CELSR1: variants seen among roughly 807,000 people sequenced by gnomAD.
The protein encoded by CELSR1 is adhesion G protein-coupled receptor C1.
CELSR1 carries 110 observed loss-of-function variants against 249.1 expected under a neutral mutation model. That is an observed-to-expected ratio of 0.44 (90% confidence interval 0.38 to 0.52). The LOEUF (loss-of-function observed/expected upper bound fraction) is 0.52. Ranked by LOEUF, CELSR1 falls within the 20% of genes least tolerant of loss-of-function variation. The probability of loss-of-function intolerance (pLI) is 0.00; values close to 1 mark genes in which losing one functional copy is unlikely to be tolerated. For synonymous variants in CELSR1, 2,113 were observed against 1,900.0 expected, an observed-to-expected ratio of 1.11 and a Z score of -2.92; for missense variants, 4,109 against 4,296.4, an observed-to-expected ratio of 0.96 and a Z score of 1.22.
In CELSR1 at chr22:46,496,992, C is replaced by T. The variant is rs114510648; in HGVS notation, c.3545-32647G>A. 8.5e-3 allele frequency among the ~76,000 whole-genome samples: 1,298 copies of T among 152,156 alleles called. 24 individuals are homozygous for T. The highest frequency in any genetic ancestry group is 0.03 in the African/African-American group (1,250 of 41,500). The stretch of plus-strand genomic sequence containing the variant: ...TCAAGTGTTATGAACTATACATAAC[C>T]GTGTGTGCTAGAATTTTACACGACT... On this transcript the variant is annotated intron_variant, in intron 1 of 34. Transcript: ENST00000674500.
In CELSR1 at chr22:46,533,953, A is replaced by C. The variant is rs372538074; in HGVS notation, c.3218T>G (p.Val1073Gly). 5 of 1,613,224 alleles carry C rather than the reference A, an allele frequency of 3.1e-6. No homozygotes were observed. The highest frequency in any genetic ancestry group is 1.3e-5 in the African/African-American group (1 of 74,938). Reference sequence around the variant, plus strand: ...CAGCGGAGCCGACGTGGCCTGCACCACCAGCACATACTCCCGCCGGACCTC... The same window carrying C: ...CAGCGGAGCCGACGTGGCCTGCACCCCCAGCACATACTCCCGCCGGACCTC... ...DFEVRREYVLVVQATSAPLVS... is the reference protein window; with the variant it reads ...DFEVRREYVLGVQATSAPLVS... The change falls in exon 1 of 35, where the codon GTG (valine) becomes GGG (glycine). Residue 1073 changes from valine to glycine, a missense_variant. Physicochemically the swap from Val to Gly is moderately radical, Grantham distance 109. Around this residue, in one of 7 missense-constraint regions of CELSR1, gnomAD observed 886 missense variants for 896.5 expected, o/e 0.99. Coordinates refer to ENST00000674500, the MANE Select transcript of CELSR1 (RefSeq NM_001378328.1).
At chr22:46,367,881 T>C (rs1388467639) in intron 27 of CELSR1, 26 bp from the exon 28 acceptor site, 1 of 1,597,246 alleles carries the variant, frequency 6.3e-7, no homozygotes, top group Admixed American at 1.7e-5. Flanking sequence ...ATCAGGCCTG[T>C]GCCCATCGCC....
rs761118805 is a variant in CELSR1, at chr22:46,380,243, A to G, written c.7256+545T>C. 3.3e-5 allele frequency among the ~76,000 whole-genome samples: 5 copies of G among 152,064 alleles called. No homozygotes were observed. Among genetic ancestry groups the G allele is most frequent in the Admixed American group, 6.5e-5 (1 of 15,270 alleles). On this transcript the variant is annotated intron_variant, in intron 22 of 34. Coordinates refer to ENST00000674500, the MANE Select transcript of CELSR1 (RefSeq NM_001378328.1). The surrounding 1 kb of genome is among the most constrained non-coding windows in gnomAD (Gnocchi z 5.1). Reference sequence around the variant, plus strand: ...GCGCACAGATTCTCCTGCGTTCGCCACTCTGTGACTCTCTGACGCTGCTTC... The same window carrying G: ...GCGCACAGATTCTCCTGCGTTCGCCGCTCTGTGACTCTCTGACGCTGCTTC...
In CELSR1 at chr22:46,409,230, G is replaced by A. The variant is rs369813438; in HGVS notation, c.5060-68C>T. The stretch of plus-strand genomic sequence containing the variant: ...ACACGGCCGCGGACTTGGCTGCAGG[G>A]GCGGGGGATGGGCCTGCAGGCTAGG... On this transcript the variant is annotated intron_variant, in intron 8 of 34. Coordinates refer to ENST00000674500, the MANE Select transcript of CELSR1 (RefSeq NM_001378328.1). This position sits in a 1 kb window ranked among gnomAD's most constrained non-coding sequence, Gnocchi z 9.8. The A allele has an allele frequency of 4.8e-5, 73 of 1,532,088 alleles. No individual in the cohort carries two copies. The African/African-American group carries it at 7.2e-4, about 15-fold the overall frequency. The allele number at this position is 1,532,088 out of a possible 1,614,324, so 94.9% of individuals were successfully genotyped here.
In CELSR1 at chr22:46,535,170, C is replaced by T. The variant is rs1413770797; in HGVS notation, c.2001G>A (p.Met667Ile). 1.2e-6 allele frequency: 2 copies of T among 1,609,382 alleles called. No homozygotes were observed. Among genetic ancestry groups the T allele is most frequent in the Non-Finnish European group, 1.7e-6 (2 of 1,179,650 alleles). ...TGATGGACACGCTGGTGGAGGAGCT[C>T]ATGGGGGGCGAGCCGTGGTCCACCG... is the stretch of plus-strand genomic sequence containing the variant. ...VEAVDHGSPPMSSSTSVSITV... is the reference protein window; with the variant it reads ...VEAVDHGSPPISSSTSVSITV... Residue 667 changes from methionine (M) to isoleucine (I), a missense_variant, in exon 1 of 35, where the codon ATG (methionine) becomes ATA (isoleucine). By Grantham distance (10) the Met-to-Ile change is conservative. This residue lies in a region of CELSR1 where 886 missense variants were observed against 896.5 expected (regional missense o/e 0.99). Transcript: ENST00000674500.
chr22:46,366,897 C>T (rs2078789698), intron 29 of CELSR1, 96 bp downstream of exon 29: 13 of 1,464,710 alleles, frequency 8.9e-6, no homozygotes, highest in South Asian at 5.4e-5. Context: ...GAGGGGCATA[C>T]GGGCCGCAGG....
rs1365511584 is a variant in CELSR1, at chr22:46,361,863, T to G, written c.*1360A>C. ...GCTAAAATCAAACATGTCTGACAGT[T>G]CCGGGACCCGTTCCACAGCCCCTCG... On this transcript the variant is annotated 3_prime_UTR_variant, in exon 35 of 35. Transcript: ENST00000674500. 1 of 152,272 alleles carries G rather than the reference T, an allele frequency of 6.6e-6. No individual in the cohort carries two copies. Among genetic ancestry groups the G allele is most frequent in the Non-Finnish European group, 1.5e-5 (1 of 68,056 alleles). 9.4% of individuals were successfully genotyped at this position (152,272 alleles called of 1,614,324 possible). A position where few individuals can be genotyped will look rare whatever the true frequency, so the allele number is the denominator to read the frequency against.
rs1174625447 is a variant in CELSR1 at position 46,429,076 on chromosome 22, G to A, written c.4611+4317C>T. ...CGTGATCCCCGCAGGCAGCCTCAGG[G>A]AAGCACAGTAAGGGAATGACCCGCT... is the stretch of plus-strand genomic sequence containing the variant. On this transcript the variant is annotated intron_variant, in intron 5 of 34. Transcript: ENST00000674500. The surrounding 1 kb of genome is among the most constrained non-coding windows in gnomAD (Gnocchi z 4.1). 1.3e-5 allele frequency among the ~76,000 whole-genome samples: 2 copies of A among 152,130 alleles called. No homozygotes were observed. Among genetic ancestry groups the A allele is most frequent in the Non-Finnish European group, 2.9e-5 (2 of 68,020 alleles).
chr22:46,457,973 T>C (rs1001348389), intron 2 of CELSR1, among the ~76,000 whole-genome samples: 1 of 152,178 alleles, frequency 6.6e-6, no homozygotes, highest in Admixed American at 6.5e-5. Flanking sequence ...CTTGTCTCAT[T>C]TGCACACGGT....
At chr22:46,375,898 C>A (rs1303241492) in intron 24 of CELSR1, among the ~76,000 whole-genome samples, 2 of 152,166 alleles carry the variant, frequency 1.3e-5, no homozygotes, top group African/African-American at 2.4e-5. Flanking sequence ...TCTATGAGAT[C>A]CTTCATGTTA....
At chr22:46,466,907 C>T (rs1266196721) in intron 1 of CELSR1, among the ~76,000 whole-genome samples, 1 of 152,156 alleles carries the variant, frequency 6.6e-6, no homozygotes, top group Admixed American at 6.6e-5. Context: ...GAAGAGACAG[C>T]AGAGAGCTCT....
intron 1 of CELSR1, among the ~76,000 whole-genome samples, chr22:46,508,636 G>A (rs1014648256): frequency 6.6e-6 from 1 of 152,016 alleles, no homozygotes; most frequent in Non-Finnish European, 1.5e-5. Context: ...GCTCAGGGAG[G>A]GGCCTCTCCA....
In CELSR1 at chr22:46,381,846, C is replaced by A; in HGVS notation, c.7088G>T (p.Arg2363Leu). ...ERYDPDRRSL[R>L]LPHRPIINTP... Reference sequence around the variant, plus strand: ...CGTGTGCCCCGTGCCCAGGCCTTACCGGAGGCTGCGACGGTCGGGGTCGTA... The same window carrying A: ...CGTGTGCCCCGTGCCCAGGCCTTACAGGAGGCTGCGACGGTCGGGGTCGTA... The change falls in exon 21 of 35, where the codon CGG becomes CTG. Residue 2363 changes from arginine (R) to leucine (L), a missense_variant and splice_region_variant. Physicochemically the swap from Arg to Leu is moderately radical, Grantham distance 102. Transcript: ENST00000674500. The surrounding 1 kb of genome is among the most constrained non-coding windows in gnomAD (Gnocchi z 6.0). 3 of 1,550,204 alleles carry A rather than the reference C, an allele frequency of 1.9e-6. No individual in the cohort carries two copies. Among genetic ancestry groups the A allele is most frequent in the Middle Eastern group, 3.3e-4 (2 of 5,988 alleles).
rs1042033763 is a variant in CELSR1 at position 46,384,715 on chromosome 22, T to C, written c.6740-29A>G. On this transcript the variant is annotated intron_variant, in intron 19 of 34. Transcript: ENST00000674500. Reference sequence around the variant, plus strand: ...GGGGGACAGTTCCTTTAATCAGACATAACTCCCAGGGCTTTCTTGAACCCC... The same window carrying C: ...GGGGGACAGTTCCTTTAATCAGACACAACTCCCAGGGCTTTCTTGAACCCC... 4 of 1,597,766 alleles carry C rather than the reference T, an allele frequency of 2.5e-6. No individual in the cohort carries two copies. In the African/African-American group the frequency reaches 5.4e-5, roughly 22 times the overall value.
rs1272538182 is a variant in CELSR1 at position 46,381,181 on chromosome 22, C to G, written c.7089-226G>C. Among the ~76,000 whole-genome samples, 1 of 152,024 alleles carries G rather than the reference C, an allele frequency of 6.6e-6. No homozygotes were observed. The highest frequency in any genetic ancestry group is 1.5e-5 in the Non-Finnish European group (1 of 68,018). ...GTGTCACCTTTGGGTCAAATTGGGA[C>G]TTCAGAAATTTAAAAAGAAAGAGAA... On this transcript the variant is annotated intron_variant, in intron 21 of 34. Transcript: ENST00000674500. This position sits in a 1 kb window ranked among gnomAD's most constrained non-coding sequence, Gnocchi z 6.0.
chr22:46,446,500 G>T lies in CELSR1; in HGVS notation c.4184-7089C>A, dbSNP rs1228086162. Reference sequence around the variant, plus strand: ...CCAGCTCTGTGCAGGCAATGACAGGGTCTGTTTGGGGGCCAGTCTGAGACT... The same window carrying T: ...CCAGCTCTGTGCAGGCAATGACAGGTTCTGTTTGGGGGCCAGTCTGAGACT... On this transcript the variant is annotated intron_variant, in intron 2 of 34. Coordinates refer to ENST00000674500, the MANE Select transcript of CELSR1 (RefSeq NM_001378328.1). The surrounding 1 kb of genome is among the most constrained non-coding windows in gnomAD (Gnocchi z 5.5). Among the ~76,000 whole-genome samples, 1 of 152,138 alleles carries T rather than the reference G, an allele frequency of 6.6e-6. No individual in the cohort carries two copies. Among genetic ancestry groups the T allele is most frequent in the African/African-American group, 2.4e-5 (1 of 41,428 alleles).
In CELSR1 at chr22:46,369,587, C is replaced by A. The variant is rs933482164; in HGVS notation, c.7872+105G>T. Reference sequence around the variant, plus strand: ...GTTACAAGGTGGCCCTTCCTGCCCCCCGTCGGCTGCTCAGAGGAGTTGGTG... The same window carrying A: ...GTTACAAGGTGGCCCTTCCTGCCCCACGTCGGCTGCTCAGAGGAGTTGGTG... On this transcript the variant is annotated intron_variant, in intron 26 of 34. Coordinates refer to ENST00000674500, the MANE Select transcript of CELSR1 (RefSeq NM_001378328.1). The A allele has an allele frequency of 3.0e-6, 3 of 1,011,764 alleles. No individual in the cohort carries two copies. In the African/African-American group the frequency reaches 4.8e-5, roughly 16 times the overall value. 62.7% of individuals were successfully genotyped at this position (1,011,764 alleles called of 1,614,324 possible). A position where few individuals can be genotyped will look rare whatever the true frequency, so the allele number is the denominator to read the frequency against.
intron 1 of CELSR1, among the ~76,000 whole-genome samples, chr22:46,474,073 G>A (rs560507166): frequency 2.0e-5 from 3 of 152,148 alleles, no homozygotes; most frequent in South Asian, 4.1e-4. Context: ...ATCCCAGCAC[G>A]AGCGTCTCCA....
Position 46,381,946 on chromosome 22 carries a change from G to A in CELSR1, c.6988C>T (p.Pro2330Ser). ...ACGGCGAACTGGCCAGCGTCATCAG[G>A]GTGTCGCCTCCGCCTGCTGATCGGG... is the stretch of plus-strand genomic sequence containing the variant. ...EAPISRRRRH[P>S]DDAGQFAVAL... The change falls in exon 21 of 35, where the codon CCT (proline) becomes TCT (serine). Residue 2330 changes from proline (P) to serine (S), a missense_variant. Around this residue, in one of 7 missense-constraint regions of CELSR1, gnomAD observed 1,805 missense variants for 1,831.6 expected, o/e 0.99. Transcript: ENST00000674500. The surrounding 1 kb of genome is among the most constrained non-coding windows in gnomAD (Gnocchi z 6.0). The A allele has an allele frequency of 6.4e-7, 1 of 1,566,150 alleles. No homozygotes were observed. Among genetic ancestry groups the A allele is most frequent in the Non-Finnish European group, 8.6e-7 (1 of 1,157,602 alleles).
Sources: allele counts gnomAD v4.1 joint callset (sites outside exome capture counted in the v4.1 genomes callset), GRCh38; gene constraint gnomAD v4.1.1; regional missense constraint gnomAD v4.1.1; non-coding constraint Gnocchi (gnomAD v3.1); transcripts MANE v1.5; gene names NCBI Gene and HGNC (gene_info 2026-07-23, HGNC 2026-07-21).